Variants in TAFA5 observed in about 807,000 individuals in gnomAD.
TAFA5 encodes the protein TAFA chemokine like family member 5.
A neutral mutation model predicts 15.3 loss-of-function variants in TAFA5; 6 were observed. The ratio of observed to expected loss-of-function variants is 0.39; its 90% CI spans 0.21 to 0.77. TAFA5 has a LOEUF of 0.77. TAFA5 is among the 30% of genes least tolerant of loss of function. TAFA5 has a pLI of 0.41. For synonymous variants in TAFA5, 103 were observed against 80.7 expected (o/e 1.28, Z -1.48); for missense variants, 161 against 193.1 (o/e 0.83, Z 0.98).
At chr22:48,615,601 G>T (rs925295368) in intron 1 of TAFA5, among the ~76,000 whole-genome samples, 1 of 152,222 alleles carries the variant, frequency 6.6e-6, no homozygotes, top group East Asian at 1.9e-4. Flanking sequence ...TTCTCCTGCG[G>T]TTTATGAGGA....
intron 3 of TAFA5, among the ~76,000 whole-genome samples, chr22:48,711,435 G>T (rs996878731): frequency 1.3e-5 from 2 of 152,014 alleles, no homozygotes; most frequent in African/African-American, 2.4e-5. Context: ...ATCTTCCCAG[G>T]TATCTCGGGA....
intron 1 of TAFA5, among the ~76,000 whole-genome samples, chr22:48,639,811 C>T (rs1470958729): frequency 6.9e-6 from 1 of 145,300 alleles, no homozygotes; most frequent in Non-Finnish European, 1.5e-5. Context: ...CAGCATCCTT[C>T]CTGCCATCAC....
chr22:48,626,341 A>G (rs1926026463), intron 1 of TAFA5, among the ~76,000 whole-genome samples: 2 of 152,232 alleles, frequency 1.3e-5, no homozygotes, highest in South Asian at 2.1e-4. Flanking sequence ...GTTGTGCCAT[A>G]TCCTTGCCAG....
At chr22:48,603,123 C>T (rs568020535) in intron 1 of TAFA5, among the ~76,000 whole-genome samples, 1 of 152,382 alleles carries the variant, frequency 6.6e-6, no homozygotes, top group South Asian at 2.1e-4. Flanking sequence ...CCCCCACGTC[C>T]AGGACCTGCT....
At chr22:48,512,457 A>C (rs1921249318) in intron 1 of TAFA5, among the ~76,000 whole-genome samples, 2 of 151,852 alleles carry the variant, frequency 1.3e-5, no homozygotes, top group Non-Finnish European at 2.9e-5. Flanking sequence ...AAATACAAAA[A>C]ATTAGCCGGG....
At chr22:48,634,120 GCTCACTCACTCA>G (rs71194366) in intron 1 of TAFA5, among the ~76,000 whole-genome samples, 2 of 150,742 alleles carry the variant, frequency 1.3e-5, no homozygotes, top group Non-Finnish European at 3.0e-5. Flanking sequence ...TCACTCACTC[GCTCACTCACTCA>G]CTCACTCACT....
chr22:48,553,981 C>T (rs1297990337), intron 1 of TAFA5, among the ~76,000 whole-genome samples: 2 of 152,238 alleles, frequency 1.3e-5, no homozygotes, highest in African/African-American at 2.4e-5. Flanking sequence ...AAAGAAGATA[C>T]GGAAATTCCC....
chr22:48,563,866 G>A (rs866936773), intron 1 of TAFA5, among the ~76,000 whole-genome samples: 6 of 152,226 alleles, frequency 3.9e-5, no homozygotes, highest in African/African-American at 1.4e-4. Flanking sequence ...GCCTGGCCCA[G>A]CCCGCCTCCA....
intron 1 of TAFA5, among the ~76,000 whole-genome samples, chr22:48,582,687 A>G (rs960468470): frequency 1.3e-5 from 2 of 150,042 alleles, no homozygotes; most frequent in Admixed American, 1.3e-4. Context: ...CACGAAATAC[A>G]CCACACACCA....
chr22:48,595,483 A>T (rs1429734586), intron 1 of TAFA5, among the ~76,000 whole-genome samples: 1 of 152,224 alleles, frequency 6.6e-6, no homozygotes, highest in Admixed American at 6.5e-5. Flanking sequence ...TGCTGCCGGT[A>T]GCTATGAGGA....
chr22:48,642,073 T>A (rs1172639778), intron 1 of TAFA5, among the ~76,000 whole-genome samples: 1 of 151,420 alleles, frequency 6.6e-6, no homozygotes, highest in Non-Finnish European at 1.5e-5. Flanking sequence ...TGGAGGGGCC[T>A]GCACTTTTCT....
chr22:48,634,679 AGTC>A (rs1926381634), intron 1 of TAFA5, among the ~76,000 whole-genome samples: 2 of 88,892 alleles, frequency 2.2e-5, no homozygotes, highest in Non-Finnish European at 5.5e-5. Flanking sequence ...TGAGTCACTC[AGTC>A]AATCACTCAG....
chr22:48,602,165 C>T (rs551826304), intron 1 of TAFA5, among the ~76,000 whole-genome samples: 2 of 152,340 alleles, frequency 1.3e-5, no homozygotes, highest in East Asian at 3.9e-4. Context: ...TCCTCAAGCC[C>T]CAGGCAGTGA....
intron 1 of TAFA5, among the ~76,000 whole-genome samples, chr22:48,531,796 G>T (rs1311720988): frequency 6.6e-6 from 1 of 152,186 alleles, no homozygotes; most frequent in African/African-American, 2.4e-5. Flanking sequence ...TGGGAGGAGA[G>T]GCTGGGAGGC....
intron 1 of TAFA5, among the ~76,000 whole-genome samples, chr22:48,580,030 G>A (rs1298799174): frequency 1.3e-5 from 2 of 152,224 alleles, no homozygotes; most frequent in African/African-American, 2.4e-5. Flanking sequence ...TCTTTTGCAG[G>A]TTAATATTGA....
chr22:48,594,605 G>C (rs935753561), intron 1 of TAFA5, among the ~76,000 whole-genome samples: 1 of 152,206 alleles, frequency 6.6e-6, no homozygotes, highest in Admixed American at 6.5e-5. Context: ...TCATGCTCCC[G>C]TCGGCTGCCA....
In TAFA5 at chr22:48,693,072, G is replaced by T. The variant is rs1270555744; in HGVS notation, c.263-14645G>T. On this transcript the variant is annotated intron_variant, in intron 2 of 3. Transcript: ENST00000402357. ...TCAAGGGCACTTACTCAGGCCCAAG[G>T]CCGTTGGAACGCTGCCCTTCGACCC... is the stretch of plus-strand genomic sequence containing the variant. 5.9e-5 allele frequency among the ~76,000 whole-genome samples: 9 copies of T among 152,382 alleles called. No homozygotes were observed. The South Asian group carries it at 1.7e-3, about 28-fold the overall frequency.
chr22:48,559,863 C>T (rs1296294137), intron 1 of TAFA5, among the ~76,000 whole-genome samples: 1 of 152,170 alleles, frequency 6.6e-6, no homozygotes, highest in Non-Finnish European at 1.5e-5. Flanking sequence ...TCTTCATCCT[C>T]ATTACAACCA....
intron 2 of TAFA5, among the ~76,000 whole-genome samples, chr22:48,675,135 T>G (rs1323948994): frequency 2.0e-5 from 3 of 152,086 alleles, no homozygotes; most frequent in Non-Finnish European, 2.9e-5. Flanking sequence ...AGAGATGGGG[T>G]TTCACCCTGT....
Sources: gnomAD v4.1 joint callset for allele counts (sites outside exome capture counted in the v4.1 genomes callset) on GRCh38, gnomAD v4.1.1 for gene constraint, MANE v1.5 for transcripts, NCBI Gene and HGNC (gene_info 2026-07-23, HGNC 2026-07-21) for gene names.